Variants in PPP2R3A observed in about 807,000 individuals in gnomAD.
PPP2R3A encodes the protein protein phosphatase 2 regulatory subunit B''alpha, also known as serine/threonine-protein phosphatase 2A regulatory subunit B'' subunit alpha.
Under a neutral mutation model 106.9 loss-of-function variants are expected in PPP2R3A, and 80 were observed. The ratio of observed to expected loss-of-function variants is 0.75; its 90% CI spans 0.62 to 0.90. The LOEUF (loss-of-function observed/expected upper bound fraction) is 0.90, where lower values mean the gene tolerates loss of function less well. Among genes scored for constraint, PPP2R3A ranks in the 40% least tolerant of loss-of-function variants. The pLI is 0.00. For synonymous variants in PPP2R3A, 483 were observed against 468.3 expected, an observed-to-expected ratio of 1.03 and a Z score of -0.41; for missense variants, 1,386 against 1,350.4, an observed-to-expected ratio of 1.03 and a Z score of -0.41.
At chr3:135,985,781 G>C (rs1410802869) in intron 1 of PPP2R3A, among the ~76,000 whole-genome samples, 3 of 152,274 alleles carry the variant, frequency 2.0e-5, no homozygotes, top group Admixed American at 2.0e-4. Flanking sequence ...CATGATTAAT[G>C]TTGTGGGAAA....
intron 5 of PPP2R3A, among the ~76,000 whole-genome samples, chr3:136,066,215 C>T (rs150511193): frequency 6.6e-6 from 1 of 152,136 alleles, no homozygotes; most frequent in African/African-American, 2.4e-5. Context: ...CCTTCAACAA[C>T]CAGGTAGTTC....
chr3:135,991,072 T>G (rs1933139110), intron 1 of PPP2R3A, among the ~76,000 whole-genome samples: 1 of 152,160 alleles, frequency 6.6e-6, no homozygotes, highest in South Asian at 2.1e-4. Flanking sequence ...TTCAGCCAAC[T>G]ACACTACTCT....
In PPP2R3A at chr3:136,012,718, C is replaced by G. The variant is rs116964378; in HGVS notation, c.1995+9225C>G. 7.0e-4 allele frequency among the ~76,000 whole-genome samples: 106 copies of G among 151,860 alleles called. 1 individual carries two copies. In the East Asian group the frequency reaches 0.02, roughly 29 times the overall value. The stretch of plus-strand genomic sequence containing the variant: ...AACTAATTAGCTTATAATCAGTTGG[C>G]TCTCATAAGGCCTATTTACAGGGAT... On this transcript the variant is annotated intron_variant, in intron 2 of 13. Transcript: ENST00000264977.
At chr3:136,108,699 GT>G (rs142889271) in intron 13 of PPP2R3A, among the ~76,000 whole-genome samples, 20 of 148,844 alleles carry the variant, frequency 1.3e-4, no homozygotes, top group Admixed American at 5.4e-4. Flanking sequence ...TTATCATTGG[GT>G]TTTTTTTTTC....
intron 3 of PPP2R3A, among the ~76,000 whole-genome samples, chr3:136,040,299 G>A (rs1935222327): frequency 6.6e-6 from 1 of 152,178 alleles, no homozygotes; most frequent in Non-Finnish European, 1.5e-5. Flanking sequence ...CAGCACTTTG[G>A]GAGGCTGAGG....
intron 1 of PPP2R3A, among the ~76,000 whole-genome samples, chr3:135,994,741 G>A (rs16843607): frequency 0.023 from 3,548 of 152,176 alleles, 155 homozygotes; most frequent in African/African-American, 0.079. Flanking sequence ...CATTTTCAGC[G>A]TTACCAATAC....
chr3:136,076,926 G>A (rs976765389), intron 6 of PPP2R3A, among the ~76,000 whole-genome samples: 8 of 150,050 alleles, frequency 5.3e-5, no homozygotes, highest in Admixed American at 4.0e-4. Context: ...CAGCCTGGGC[G>A]ACAGGGTGAG....
At position 136,063,854 on chromosome 3, in the gene PPP2R3A, T is replaced by C. The variant is rs1261965474; in HGVS notation, c.2470-6624T>C. ...CTAGTTCAACCATTGTGGAAGTCAG[T>C]GTGGCGATTCCTCAGGGATCTAGAA... On this transcript the variant is annotated intron_variant, in intron 5 of 13. Transcript: ENST00000264977. Among the ~76,000 whole-genome samples, 12 of 150,242 alleles carry C rather than the reference T, an allele frequency of 8.0e-5. No individual in the cohort carries two copies. In the East Asian group the frequency reaches 2.1e-3, roughly 27 times the overall value.
intron 1 of PPP2R3A, among the ~76,000 whole-genome samples, chr3:135,981,136 C>T (rs1003646281): frequency 7.2e-5 from 11 of 151,856 alleles, no homozygotes; most frequent in African/African-American, 2.4e-4. Context: ...GTGGGTCCAC[C>T]TTACTGGTGA....
intron 3 of PPP2R3A, among the ~76,000 whole-genome samples, chr3:136,032,686 C>A (rs1934941386): frequency 6.6e-6 from 1 of 152,068 alleles, no homozygotes. Context: ...AGGCACCCAC[C>A]ACCATGCCCA....
At chr3:135,986,264 G>C (rs1234980773) in intron 1 of PPP2R3A, among the ~76,000 whole-genome samples, 1 of 152,100 alleles carries the variant, frequency 6.6e-6, no homozygotes, top group African/African-American at 2.4e-5. Context: ...CTCAGCGGAA[G>C]GGTTAAGTTT....
chr3:136,096,829 G>C (rs1252187333), intron 10 of PPP2R3A, among the ~76,000 whole-genome samples: 1 of 152,096 alleles, frequency 6.6e-6, no homozygotes, highest in Admixed American at 6.6e-5. Flanking sequence ...TTAGCTCATG[G>C]CTGTAGTCCC....
At chr3:136,115,920 G>A (rs1313338881) in intron 13 of PPP2R3A, among the ~76,000 whole-genome samples, 2 of 151,906 alleles carry the variant, frequency 1.3e-5, no homozygotes, top group Non-Finnish European at 2.9e-5. Flanking sequence ...CCCTTGAGAA[G>A]AGCAACCCCG....
chr3:136,103,164 C>T (rs1274202496), intron 11 of PPP2R3A, 94 bp from the exon 12 acceptor site: 2 of 664,302 alleles, frequency 3.0e-6, no homozygotes, highest in African/African-American at 3.7e-5. Flanking sequence ...TTATAATAAA[C>T]ATATACCTAT....
intron 3 of PPP2R3A, among the ~76,000 whole-genome samples, chr3:136,033,715 G>GGT (rs1248113754): frequency 6.6e-6 from 1 of 151,956 alleles, no homozygotes; most frequent in Admixed American, 6.6e-5. Context: ...GTATTTCTGT[G>GGT]GTGTCAGTTG....
chr3:136,030,825 T>C (rs868729383), intron 3 of PPP2R3A, among the ~76,000 whole-genome samples: 2,056 of 142,160 alleles, frequency 0.014, 63 homozygotes, highest in African/African-American at 0.048. Context: ...TATGTATGTA[T>C]ACACACACAC....
At chr3:135,999,703 C>T (rs1249227804) in intron 1 of PPP2R3A, among the ~76,000 whole-genome samples, 2 of 152,162 alleles carry the variant, frequency 1.3e-5, no homozygotes, top group East Asian at 3.9e-4. Context: ...AAGTCTTGCC[C>T]CATCCCCTTT....
intron 10 of PPP2R3A, among the ~76,000 whole-genome samples, chr3:136,095,681 G>T (rs1279687113): frequency 6.6e-6 from 1 of 152,072 alleles, no homozygotes; most frequent in Non-Finnish European, 1.5e-5. Flanking sequence ...ATTGCTTGTT[G>T]CTTAAGAGAA....
intron 3 of PPP2R3A, among the ~76,000 whole-genome samples, chr3:136,035,109 A>T (rs1484137515): frequency 6.6e-6 from 1 of 151,996 alleles, no homozygotes; most frequent in African/African-American, 2.4e-5. Context: ...GCAAGTCCTT[A>T]TGTGTTAGGT....
Sources: gnomAD v4.1 joint callset for allele counts (sites outside exome capture counted in the v4.1 genomes callset) on GRCh38, gnomAD v4.1.1 for gene constraint, MANE v1.5 for transcripts, NCBI Gene and HGNC (gene_info 2026-07-23, HGNC 2026-07-21) for gene names.